Variants in SEMA6D observed in about 807,000 individuals in gnomAD.
The protein encoded by SEMA6D is semaphorin-6D.
SEMA6D carries 35 observed loss-of-function variants against 106.6 expected under a neutral mutation model. The observed-to-expected ratio is 0.33, with a 90% CI of 0.25 to 0.44. The LOEUF (loss-of-function observed/expected upper bound fraction) is 0.44. Ranked by LOEUF, SEMA6D falls within the 20% of genes least tolerant of loss-of-function variation. The pLI, the probability that SEMA6D is intolerant of heterozygous loss-of-function variation, is 1.00. For missense variants in SEMA6D, 1,185 were observed against 1,345.9 expected (o/e 0.88, Z 1.87); for synonymous variants, 499 against 487.7 (o/e 1.02, Z -0.31).
chr15:47,306,579 GT>G (rs1566986529), intron 1 of SEMA6D, among the ~76,000 whole-genome samples: 1 of 152,144 alleles, frequency 6.6e-6, no homozygotes, highest in Admixed American at 6.5e-5. Flanking sequence ...AACAGGTGTG[GT>G]GGCACATGCC....
chr15:47,522,159 G>A (rs2044604953), intron 3 of SEMA6D, among the ~76,000 whole-genome samples: 1 of 152,204 alleles, frequency 6.6e-6, no homozygotes, highest in Non-Finnish European at 1.5e-5. Flanking sequence ...AGCTGACACA[G>A]AACCAGGACA....
intron 3 of SEMA6D, among the ~76,000 whole-genome samples, chr15:47,519,767 A>G (rs745952350): frequency 1.1e-4 from 17 of 152,174 alleles, no homozygotes; most frequent in Non-Finnish European, 2.5e-4. Context: ...TCTGCTGCTG[A>G]CATTTATATC....
At position 47,294,211 on chromosome 15, in the gene SEMA6D, A is replaced by C. The variant is rs200912985; in HGVS notation, c.-239+109793A>C. The stretch of plus-strand genomic sequence containing the variant: ...ATCTCTTTTATTCCTACTTTGTGAC[A>C]ATGCTAGTTTATTTAAATCTCTCTC... On this transcript the variant is annotated intron_variant, in intron 1 of 19. Transcript: ENST00000558014. Among the ~76,000 whole-genome samples the C allele has an allele frequency of 4.0e-5, 6 of 151,798 alleles. No homozygotes were observed. In the East Asian group the frequency reaches 9.7e-4, roughly 25 times the overall value.
chr15:47,439,480 A>G (rs780776023), intron 2 of SEMA6D, among the ~76,000 whole-genome samples: 3 of 152,138 alleles, frequency 2.0e-5, no homozygotes, highest in Non-Finnish European at 4.4e-5. Flanking sequence ...TTTTGAATGT[A>G]CTTTCTTCTC....
chr15:47,227,437 CTTTTCTTTCT>C (rs1156877828), intron 1 of SEMA6D, among the ~76,000 whole-genome samples: 9 of 92,542 alleles, frequency 9.7e-5, no homozygotes, highest in Non-Finnish European at 1.9e-4. Flanking sequence ...TTCTTTCTTT[CTTTTCTTTCT>C]TTTCTTTCTT....
chr15:47,221,220 G>A (rs1016698351), intron 1 of SEMA6D, among the ~76,000 whole-genome samples: 2 of 152,126 alleles, frequency 1.3e-5, no homozygotes, highest in African/African-American at 4.8e-5. Flanking sequence ...CTGCATTTTT[G>A]CTGCTTTGGT....
At chr15:47,590,014 A>G (rs28588742) in intron 3 of SEMA6D, among the ~76,000 whole-genome samples, 4,972 of 152,214 alleles carry the variant, frequency 0.033, 274 homozygotes, top group African/African-American at 0.11. Context: ...GATATGTTGA[A>G]GTCCTAACCC....
chr15:47,671,451 A>T (rs1380941544), intron 4 of SEMA6D, among the ~76,000 whole-genome samples: 2 of 152,202 alleles, frequency 1.3e-5, no homozygotes, highest in Non-Finnish European at 2.9e-5. Context: ...AAGTAGGAAA[A>T]CAGGTAGGAT....
intron 1 of SEMA6D, among the ~76,000 whole-genome samples, chr15:47,253,246 T>C (rs892602418): frequency 6.6e-6 from 1 of 152,222 alleles, no homozygotes; most frequent in African/African-American, 2.4e-5. Flanking sequence ...TCGTTATACA[T>C]GCTGCATGTT....
At chr15:47,698,786 C>A (rs2078751344) in intron 4 of SEMA6D, among the ~76,000 whole-genome samples, 1 of 152,116 alleles carries the variant, frequency 6.6e-6, no homozygotes, top group South Asian at 2.1e-4. Flanking sequence ...TTTGTCAATG[C>A]AACATTCCAT....
chr15:47,552,463 AATGT>A (rs1162053920), intron 3 of SEMA6D, among the ~76,000 whole-genome samples: 2 of 149,108 alleles, frequency 1.3e-5, no homozygotes, highest in Non-Finnish European at 3.0e-5. Flanking sequence ...AGAAAATGGC[AATGT>A]ATGTGTGTGT....
intron 4 of SEMA6D, among the ~76,000 whole-genome samples, chr15:47,610,624 T>A (rs1437508982): frequency 6.6e-6 from 1 of 152,234 alleles, no homozygotes; most frequent in African/African-American, 2.4e-5. Flanking sequence ...CATCATCTGC[T>A]TCCTTCCTAG....
At chr15:47,661,369 G>A (rs1441619048) in intron 4 of SEMA6D, among the ~76,000 whole-genome samples, 1 of 152,210 alleles carries the variant, frequency 6.6e-6, no homozygotes, top group Admixed American at 6.5e-5. Context: ...CTATGTCAGA[G>A]TTAAGATTTC....
At chr15:47,619,372 T>G (rs946920465) in intron 4 of SEMA6D, among the ~76,000 whole-genome samples, 6 of 152,056 alleles carry the variant, frequency 3.9e-5, no homozygotes, top group African/African-American at 9.7e-5. Context: ...TGACAAGCAG[T>G]GGAATGGATG....
intron 2 of SEMA6D, among the ~76,000 whole-genome samples, chr15:47,434,379 A>G (rs2041635642): frequency 1.3e-5 from 2 of 152,072 alleles, no homozygotes; most frequent in African/African-American, 4.8e-5. Context: ...GGTGATACAG[A>G]ATTGAAGCGG....
In SEMA6D at chr15:47,418,237, T is replaced by C. The variant is rs182833862; in HGVS notation, c.-159+5765T>C. ...CAGAGAGAACAGTAAGTGCAAAAGC[T>C]CTGAGACAAGAGAATGGGTAGTATA... On this transcript the variant is annotated intron_variant, in intron 2 of 19. Transcript: ENST00000558014. Among the ~76,000 whole-genome samples the C allele has an allele frequency of 2.2e-4, 33 of 152,158 alleles. 1 individual carries two copies. The East Asian group carries it at 6.4e-3, about 29-fold the overall frequency.
chr15:47,679,826 G>A (rs899330722), intron 4 of SEMA6D, among the ~76,000 whole-genome samples: 1 of 152,160 alleles, frequency 6.6e-6, no homozygotes, highest in African/African-American at 2.4e-5. Context: ...TGGTCCCCAT[G>A]CCAATCCTGG....
intron 4 of SEMA6D, among the ~76,000 whole-genome samples, chr15:47,684,419 C>T (rs1006784641): frequency 6.6e-6 from 1 of 151,838 alleles, no homozygotes; most frequent in African/African-American, 2.4e-5. Context: ...ATTTAGTTAT[C>T]GCTGTATCAG....
At chr15:47,338,176 G>C (rs559941447) in intron 1 of SEMA6D, among the ~76,000 whole-genome samples, 143 of 152,302 alleles carry the variant, frequency 9.4e-4, no homozygotes, top group Middle Eastern at 3.4e-3. Context: ...AGGGGAAAAA[G>C]TTTGGGTGTT....
Sources: gnomAD v4.1 joint callset for allele counts (sites outside exome capture counted in the v4.1 genomes callset) on GRCh38, gnomAD v4.1.1 for gene constraint, MANE v1.5 for transcripts, NCBI Gene and HGNC (gene_info 2026-07-23, HGNC 2026-07-21) for gene names.